AKAP19: variants seen among roughly 807,000 people sequenced by gnomAD.
The protein encoded by AKAP19 is small A-kinase anchoring protein.
the AKAP19 span, among the ~76,000 whole-genome samples, chr2:190,069,177 A>T: frequency 0.029 from 3,682 of 128,700 alleles, 159 homozygotes; most frequent in East Asian, 0.18. Context: ...TGTGTGTGTG[A>T]GAGAGAGAGA....
the AKAP19 span, among the ~76,000 whole-genome samples, chr2:190,145,712 C>T: frequency 1.3e-5 from 2 of 151,958 alleles, no homozygotes; most frequent in Non-Finnish European, 2.9e-5. Flanking sequence ...TGTAGATACA[C>T]TCTGTGAGTT....
At chr2:190,030,583 C>G in the AKAP19 span, among the ~76,000 whole-genome samples, 4 of 152,214 alleles carry the variant, frequency 2.6e-5, no homozygotes, top group Non-Finnish European at 4.4e-5. Flanking sequence ...TTTACTAAAA[C>G]CAACACTCAC....
the AKAP19 span, among the ~76,000 whole-genome samples, chr2:190,099,029 G>A: frequency 6.6e-6 from 1 of 152,158 alleles, no homozygotes; most frequent in Non-Finnish European, 1.5e-5. Flanking sequence ...GAATGTTGTG[G>A]CTGGTTTGAT....
chr2:190,070,624 C>CCCT, the AKAP19 span, among the ~76,000 whole-genome samples: 1 of 137,014 alleles, frequency 7.3e-6, no homozygotes, highest in African/African-American at 2.6e-5. Flanking sequence ...TCCCCCCCCC[C>CCCT]TTTTTTTTTG....
the AKAP19 span, among the ~76,000 whole-genome samples, chr2:189,961,604 G>A: frequency 6.6e-6 from 1 of 151,970 alleles, no homozygotes; most frequent in Non-Finnish European, 1.5e-5. Flanking sequence ...ATTTTAAGGT[G>A]CTTTGTGACC....
the AKAP19 span, among the ~76,000 whole-genome samples, chr2:189,932,247 A>C: frequency 5.5e-3 from 838 of 152,194 alleles, 8 homozygotes; most frequent in African/African-American, 0.019. Context: ...GTCTCCACTA[A>C]AAATACAAAA....
chr2:190,056,999 T>C, the AKAP19 span: 116 of 447,858 alleles, frequency 2.6e-4, no homozygotes, highest in Non-Finnish European at 3.8e-4. Flanking sequence ...TTGTAATATA[T>C]AGGAACATAA....
chr2:189,883,507 G>GTTTTTTT, the AKAP19 span, among the ~76,000 whole-genome samples: 13 of 123,772 alleles, frequency 1.1e-4, no homozygotes, highest in African/African-American at 3.1e-4. Flanking sequence ...GTTTCTTCCT[G>GTTTTTTT]TTTTTTTTTT....
the AKAP19 span, among the ~76,000 whole-genome samples, chr2:189,897,950 T>C: frequency 1.3e-5 from 2 of 152,156 alleles, no homozygotes; most frequent in Non-Finnish European, 2.9e-5. Flanking sequence ...GGTTCACACT[T>C]GTAGTCCCAG....
At chr2:190,141,257 T>TA in the AKAP19 span, among the ~76,000 whole-genome samples, 6 of 152,304 alleles carry the variant, frequency 3.9e-5, no homozygotes, top group South Asian at 1.2e-3. Flanking sequence ...TTTGGAACCC[T>TA]CCAAACTGTT....
the AKAP19 span, among the ~76,000 whole-genome samples, chr2:190,000,161 T>C: frequency 6.6e-6 from 1 of 152,194 alleles, no homozygotes; most frequent in Non-Finnish European, 1.5e-5. Context: ...TAACTACCTT[T>C]TTACCTTGAA....
chr2:189,958,102 C>T, the AKAP19 span, among the ~76,000 whole-genome samples: 1 of 152,102 alleles, frequency 6.6e-6, no homozygotes, highest in East Asian at 1.9e-4. Context: ...ATATTTGCAA[C>T]ATGTAATTGA....
At chr2:190,048,508 C>A in the AKAP19 span, among the ~76,000 whole-genome samples, 4 of 152,152 alleles carry the variant, frequency 2.6e-5, no homozygotes, top group Non-Finnish European at 4.4e-5. Context: ...TGTATCAGCC[C>A]ACTCCTTCCC....
the AKAP19 span, among the ~76,000 whole-genome samples, chr2:190,146,365 G>A: frequency 6.6e-6 from 1 of 152,104 alleles, no homozygotes; most frequent in East Asian, 1.9e-4. Flanking sequence ...ATATATCACA[G>A]TTTCTTTATC....
At chr2:190,192,801 G>C in the AKAP19 span, among the ~76,000 whole-genome samples, 1 of 151,972 alleles carries the variant, frequency 6.6e-6, no homozygotes, top group Non-Finnish European at 1.5e-5. Flanking sequence ...ATTGCAAATG[G>C]CATTAATTTC....
At chr2:190,073,987 A>C in the AKAP19 span, among the ~76,000 whole-genome samples, 1 of 151,372 alleles carries the variant, frequency 6.6e-6, no homozygotes, top group African/African-American at 2.4e-5. Flanking sequence ...GGTTACAGTG[A>C]GCCGAGATTG....
At chr2:190,005,554 C>T in the AKAP19 span, among the ~76,000 whole-genome samples, 32 of 152,348 alleles carry the variant, frequency 2.1e-4, no homozygotes, top group African/African-American at 7.5e-4. Context: ...TGCCATAAGA[C>T]TTCTGTTTAC....
chr2:190,143,476 C>T, the AKAP19 span, among the ~76,000 whole-genome samples: 1 of 152,138 alleles, frequency 6.6e-6, no homozygotes, highest in African/African-American at 2.4e-5. Context: ...AATCACATTA[C>T]ACCTTGTGTA....
the AKAP19 span, among the ~76,000 whole-genome samples, chr2:189,981,598 T>A: frequency 6.6e-6 from 1 of 152,252 alleles, no homozygotes; most frequent in Non-Finnish European, 1.5e-5. Context: ...ATATGGGATC[T>A]GTGCATTTTG....
Sources: gnomAD v4.1 joint callset for allele counts (sites outside exome capture counted in the v4.1 genomes callset) on GRCh38, gnomAD v4.1.1 for gene constraint, MANE v1.5 for transcripts, NCBI Gene and HGNC (gene_info 2026-07-23, HGNC 2026-07-21) for gene names.